Variants in SEL1L3 observed in about 807,000 individuals in gnomAD.
SEL1L3 encodes SEL1L family member 3.
In SEL1L3, 76 loss-of-function variants were observed where a neutral mutation model predicts 142.8. The ratio of observed to expected loss-of-function variants is 0.53; its 90% confidence interval spans 0.44 to 0.64. The LOEUF is 0.64. SEL1L3 is among the 30% of genes least tolerant of loss of function. The probability of loss-of-function intolerance (pLI) is 0.00; values close to 1 mark genes in which losing one functional copy is unlikely to be tolerated. For missense variants in SEL1L3, 1,262 were observed against 1,381.7 expected (o/e 0.91, Z 1.37); for synonymous variants, 504 against 519.6 (o/e 0.97, Z 0.41).
intron 7 of SEL1L3, 137 bp downstream of exon 7, chr4:25,821,859 A>T: frequency 1.2e-6 from 1 of 869,552 alleles, no homozygotes; most frequent in Non-Finnish European, 1.7e-6. Context: ...GAAAAGCCTC[A>T]ATATTAATGA....
At chr4:25,742,279 G>A in the SEL1L3 span, among the ~76,000 whole-genome samples, 1 of 151,988 alleles carries the variant, frequency 6.6e-6, no homozygotes, top group Non-Finnish European at 1.5e-5. Flanking sequence ...TCGATCTTCT[G>A]GGCTCAAGCA....
intron 11 of SEL1L3, 62 bp downstream of exon 11, chr4:25,802,221 A>C (rs376619211): frequency 6.8e-7 from 1 of 1,469,142 alleles, no homozygotes; most frequent in African/African-American, 1.4e-5. Flanking sequence ...ACAGGGGCAG[A>C]CACTTCATGA....
In SEL1L3 at chr4:25,782,308, A is replaced by G; in HGVS notation, c.2391T>C (p.Asp797=). 3 of 1,613,922 alleles carry G rather than the reference A, an allele frequency of 1.9e-6. No homozygotes were observed. The highest frequency in any genetic ancestry group is 2.2e-5 in the South Asian group (2 of 91,078). Residue 797 remains aspartate (D), a synonymous_variant, in exon 15 of 24, where the codon GAT becomes GAC. Coordinates refer to ENST00000399878, the MANE Select transcript of SEL1L3 (RefSeq NM_015187.5). ...WLKAEEMGNP[D]ASYNLGVLHL... ...GCAGGACTCCAAGATTGTATGACGC[A>G]TCTGGGTTCCCCATTTCTTCTGCTT...
intron 13 of SEL1L3, among the ~76,000 whole-genome samples, chr4:25,784,997 C>T (rs555128313): frequency 4.6e-5 from 7 of 152,090 alleles, no homozygotes; most frequent in Non-Finnish European, 7.3e-5. Context: ...GGAAGGAGGT[C>T]CTTGAGTATC....
At chr4:25,765,021 G>T (rs914216108) in intron 20 of SEL1L3, among the ~76,000 whole-genome samples, 21 of 152,062 alleles carry the variant, frequency 1.4e-4, no homozygotes, top group African/African-American at 4.8e-4. Context: ...CTGAGACAGG[G>T]TCTTGCTCTG....
At chr4:25,731,810 T>A in the SEL1L3 span, among the ~76,000 whole-genome samples, 2 of 152,148 alleles carry the variant, frequency 1.3e-5, no homozygotes, top group Non-Finnish European at 2.9e-5. Context: ...CAGTGGCTCA[T>A]GCGTGTAATC....
intron 10 of SEL1L3, among the ~76,000 whole-genome samples, chr4:25,803,811 TTC>T (rs948834285): frequency 1.3e-5 from 2 of 152,124 alleles, no homozygotes; most frequent in African/African-American, 4.8e-5. Flanking sequence ...TTTGGTTTTT[TTC>T]CTGCCCTTGG....
chr4:25,786,447 G>A (rs1231065593), intron 13 of SEL1L3, among the ~76,000 whole-genome samples: 1 of 152,164 alleles, frequency 6.6e-6, no homozygotes, highest in Non-Finnish European at 1.5e-5. Flanking sequence ...AGCAAACCCA[G>A]AGAAGGCATT....
chr4:25,770,000 T>C lies in SEL1L3; in HGVS notation c.2670-2170A>G, dbSNP rs558872705. Among the ~76,000 whole-genome samples, 10 of 152,162 alleles carry C rather than the reference T, an allele frequency of 6.6e-5. No homozygotes were observed. In the East Asian group the frequency reaches 7.8e-4, roughly 12 times the overall value. On this transcript the variant is annotated intron_variant, in intron 17 of 23. Coordinates refer to ENST00000399878, the MANE Select transcript of SEL1L3 (RefSeq NM_015187.5). ...AAAATTAGCTCGGCATGGTGGTGCATGCCTGTAATCCCAGCCACTCGGGAG... is the reference window on the plus strand; with the variant it reads ...AAAATTAGCTCGGCATGGTGGTGCACGCCTGTAATCCCAGCCACTCGGGAG...
chr4:25,792,679 A>T (rs556286747), intron 11 of SEL1L3, among the ~76,000 whole-genome samples: 1 of 152,296 alleles, frequency 6.6e-6, no homozygotes, highest in East Asian at 1.9e-4. Context: ...GTAAAAAAGA[A>T]TGGCTAAAAG....
At position 25,747,549 on chromosome 4, in the gene SEL1L3, A is replaced by G. The variant is rs1359085324; in HGVS notation, c.*876T>C. 6.6e-6 allele frequency: 1 copy of G among 152,076 alleles called. No individual in the cohort carries two copies. The highest frequency in any genetic ancestry group is 2.4e-5 in the African/African-American group (1 of 41,340). The allele number at this position is 152,076 out of a possible 1,614,324, so 9.4% of individuals were successfully genotyped here. The stretch of plus-strand genomic sequence containing the variant: ...ACTACCTTAGCAGCATGTAGTATAC[A>G]GACATTCTGCTCTTCCTCTTCCTCT... On this transcript the variant is annotated 3_prime_UTR_variant, in exon 24 of 24. Transcript: ENST00000399878.
At chr4:25,856,482 A>T (rs1717264950) in intron 1 of SEL1L3, among the ~76,000 whole-genome samples, 2 of 152,094 alleles carry the variant, frequency 1.3e-5, no homozygotes, top group Non-Finnish European at 2.9e-5. Flanking sequence ...TGAGCCCTCA[A>T]ATATGTTTAT....
rs536454779 is a variant in SEL1L3 at position 25,757,819 on chromosome 4, G to A, written c.3084-29C>T. ...CAGACAAAGCCCAGGGCATCTTGACGTGTCAGCCAACTTTGGTGGCACGAC... is the reference window on the plus strand; with the variant it reads ...CAGACAAAGCCCAGGGCATCTTGACATGTCAGCCAACTTTGGTGGCACGAC... On this transcript the variant is annotated intron_variant, in intron 21 of 23. Transcript: ENST00000399878. 114 of 1,524,302 alleles carry A rather than the reference G, an allele frequency of 7.5e-5. 1 individual carries two copies. In the South Asian group the frequency reaches 1.3e-3, roughly 17 times the overall value. The allele number at this position is 1,524,302 out of a possible 1,614,324, so 94.4% of individuals were successfully genotyped here.
At chr4:25,767,154 C>T (rs768940087) in intron 19 of SEL1L3, among the ~76,000 whole-genome samples, 2 of 151,990 alleles carry the variant, frequency 1.3e-5, no homozygotes, top group African/African-American at 4.8e-5. Context: ...ATTAGCTGGG[C>T]GTGGTCGTGG....
In SEL1L3 at chr4:25,862,704, C is replaced by G. The variant is rs1481501480; in HGVS notation, c.133G>C (p.Ala45Pro). The G allele has an allele frequency of 7.7e-6, 10 of 1,301,496 alleles. No individual in the cohort carries two copies. The allele number at this position is 1,301,496 out of a possible 1,614,324, so 80.6% of individuals were successfully genotyped here. A position where few individuals can be genotyped will look rare whatever the true frequency, so the allele number is the denominator to read the frequency against. ...GVPQGLGGRS[A>P]CALLLLCYLN... is the part of the protein sequence containing the mutation. ...TAGCAGAGCAGGAGCAGCGCGCAGG[C>G]AGAGCGGCCGCCGAGGCCCTGGGGG... is the stretch of plus-strand genomic sequence containing the variant. Residue 45 changes from alanine (A) to proline (P), a missense_variant, in exon 1 of 24, where the codon GCC becomes CCC. By Grantham distance (27) the Ala-to-Pro change is conservative (BLOSUM62 -1). Around this residue, in one of 3 missense-constraint regions of SEL1L3, gnomAD observed 689 missense variants for 692.8 expected, o/e 0.99. Transcript: ENST00000399878.
chr4:25,839,995 T>C (rs535981119), intron 2 of SEL1L3, among the ~76,000 whole-genome samples: 1 of 152,332 alleles, frequency 6.6e-6, no homozygotes, highest in African/African-American at 2.4e-5. Flanking sequence ...AAAGTATTCT[T>C]TCTAATTTAG....
At chr4:25,860,412 T>C (rs1717621626) in intron 1 of SEL1L3, among the ~76,000 whole-genome samples, 1 of 152,170 alleles carries the variant, frequency 6.6e-6, no homozygotes, top group African/African-American at 2.4e-5. Context: ...AATTATACAT[T>C]TGCGTTTTCT....
intron 5 of SEL1L3, among the ~76,000 whole-genome samples, chr4:25,831,838 C>T (rs183348975): frequency 9.9e-5 from 15 of 152,216 alleles, no homozygotes; most frequent in Non-Finnish European, 2.1e-4. Flanking sequence ...CAACTAAGCT[C>T]GCTTTGTGAC....
At position 25,804,666 on chromosome 4, in the gene SEL1L3, G is replaced by C. The variant is rs1713430187; in HGVS notation, c.1651C>G (p.Leu551Val). Residue 551 changes from leucine to valine, a missense_variant, in exon 10 of 24, where the codon CTT becomes GTT. Coordinates refer to ENST00000399878, the MANE Select transcript of SEL1L3 (RefSeq NM_015187.5). ...GGGACGATAGAGCTAATTTGGTGAA[G>C]ACCATCAATGCTAGAGAGTCTCTTT... is the stretch of plus-strand genomic sequence containing the variant. ...AVKRLSSIDG[L>V]HQISSIVPFL... The C allele has an allele frequency of 2.5e-6, 4 of 1,613,408 alleles. No homozygotes were observed. The South Asian group carries it at 3.3e-5, about 13-fold the overall frequency.
Sources: allele counts gnomAD v4.1 joint callset (sites outside exome capture counted in the v4.1 genomes callset), GRCh38; gene constraint gnomAD v4.1.1; regional missense constraint gnomAD v4.1.1; transcripts MANE v1.5; gene names NCBI Gene and HGNC (gene_info 2026-07-23, HGNC 2026-07-21).